Variants in GTF2H1 observed in about 807,000 individuals in gnomAD.
GTF2H1 encodes the protein general transcription factor IIH subunit 1, also known as BTF2 p62.
Under a neutral mutation model 71.2 loss-of-function variants are expected in GTF2H1, and 16 were observed. The ratio of observed to expected loss-of-function variants is 0.22; its 90% confidence interval spans 0.15 to 0.34. The LOEUF (loss-of-function observed/expected upper bound fraction) is 0.34. Ranked by LOEUF, GTF2H1 falls within the 10% of genes least tolerant of loss-of-function variation. GTF2H1 has a pLI of 1.00. For missense variants in GTF2H1, 498 were observed against 648.2 expected (o/e 0.77, Z 2.52); for synonymous variants, 215 against 219.0 (o/e 0.98, Z 0.16).
intron 2 of GTF2H1, among the ~76,000 whole-genome samples, chr11:18,335,360 A>G (rs1865001052): frequency 6.6e-6 from 1 of 152,218 alleles, no homozygotes; most frequent in African/African-American, 2.4e-5. Flanking sequence ...CGCATTTTGC[A>G]GTCTTTTGGA....
At chr11:18,344,822 G>A (rs528692355) in intron 7 of GTF2H1, among the ~76,000 whole-genome samples, 6 of 151,952 alleles carry the variant, frequency 3.9e-5, no homozygotes, top group East Asian at 3.9e-4. Flanking sequence ...TCCATGCCAC[G>A]CTTTTTCTAC....
intron 2 of GTF2H1, chr11:18,333,431 G>A (rs1222542201): frequency 7.7e-6 from 3 of 388,996 alleles, no homozygotes; most frequent in Non-Finnish European, 9.1e-6. Flanking sequence ...CATATAATAT[G>A]TAAATCTACC....
In GTF2H1 at chr11:18,340,281, C is replaced by T. The variant is rs1409938218; in HGVS notation, c.607+624C>T. On this transcript the variant is annotated intron_variant, in intron 5 of 14. Coordinates refer to ENST00000265963, the MANE Select transcript of GTF2H1 (RefSeq NM_005316.4). ...ACTAGCCTGGGCAACAAAACAAGAC[C>T]CTATCTCTTTTTTTTTTTTTAATTG... Among the ~76,000 whole-genome samples, 3 of 151,382 alleles carry T rather than the reference C, an allele frequency of 2.0e-5. No individual in the cohort carries two copies. The East Asian group carries it at 5.8e-4, about 29-fold the overall frequency.
chr11:18,361,422 A>G (rs370982953), intron 14 of GTF2H1, among the ~76,000 whole-genome samples: 2 of 152,126 alleles, frequency 1.3e-5, no homozygotes, highest in African/African-American at 4.8e-5. Context: ...ATCCCAGCAC[A>G]TTGAGAGGCC....
At chr11:18,336,797 C>T (rs1002455309) in intron 3 of GTF2H1, among the ~76,000 whole-genome samples, 4 of 151,320 alleles carry the variant, frequency 2.6e-5, no homozygotes. Flanking sequence ...CTCTGTTGCC[C>T]AGGCTGGAGT....
chr11:18,360,280 G>A (rs1468494534), intron 13 of GTF2H1, among the ~76,000 whole-genome samples: 1 of 151,970 alleles, frequency 6.6e-6, no homozygotes, highest in African/African-American at 2.4e-5. Flanking sequence ...GTGCCACCAC[G>A]CCCAGCTAAT....
Position 18,365,944 on chromosome 11 carries a change from A to C in GTF2H1, c.*75A>C. 1 of 956,504 alleles carries C rather than the reference A, an allele frequency of 1.0e-6. No homozygotes were observed. The highest frequency in any genetic ancestry group is 1.7e-6 in the Non-Finnish European group (1 of 599,630). The allele number at this position is 956,504 out of a possible 1,614,324, so 59.3% of individuals were successfully genotyped here. On this transcript the variant is annotated 3_prime_UTR_variant, in exon 15 of 15. Coordinates refer to ENST00000265963, the MANE Select transcript of GTF2H1 (RefSeq NM_005316.4). Reference sequence around the variant, plus strand: ...GCAGCAACTCTGGAAACCTGGCCTGACAGACAAGCAGATGACCTCACAGGA... The same window carrying C: ...GCAGCAACTCTGGAAACCTGGCCTGCCAGACAAGCAGATGACCTCACAGGA...
chr11:18,334,783 C>T (rs1864985949), intron 2 of GTF2H1, among the ~76,000 whole-genome samples: 1 of 152,072 alleles, frequency 6.6e-6, no homozygotes, highest in Non-Finnish European at 1.5e-5. Context: ...GTAATATGCC[C>T]CACCTAGATA....
chr11:18,360,944 T>G (rs1437562641), intron 14 of GTF2H1, among the ~76,000 whole-genome samples: 1 of 151,968 alleles, frequency 6.6e-6, no homozygotes, highest in African/African-American at 2.4e-5. Flanking sequence ...TAGCTGAGAT[T>G]ACAAGCGCAT....
intron 14 of GTF2H1, 24 bp from the exon 15 acceptor site, chr11:18,365,759 T>G (rs775696021): frequency 6.4e-7 from 1 of 1,554,948 alleles, no homozygotes; most frequent in South Asian, 1.1e-5. Flanking sequence ...GCCCAGTTGT[T>G]AAGTGTCTTG....
chr11:18,345,796 G>GTATTTTTTT (rs75644482), intron 7 of GTF2H1, among the ~76,000 whole-genome samples: 2 of 125,218 alleles, frequency 1.6e-5, no homozygotes, highest in Non-Finnish European at 3.3e-5. Context: ...GCACATATGA[G>GTATTTTTTT]TTTTTTTTTT....
chr11:18,360,154 C>G (rs903452271), intron 13 of GTF2H1, among the ~76,000 whole-genome samples: 10 of 151,158 alleles, frequency 6.6e-5, no homozygotes, highest in African/African-American at 2.4e-4. Flanking sequence ...GATGGAGTCT[C>G]ACTCTGTCGG....
At chr11:18,346,189 A>G (rs1051698415) in intron 7 of GTF2H1, among the ~76,000 whole-genome samples, 1 of 152,170 alleles carries the variant, frequency 6.6e-6, no homozygotes, top group African/African-American at 2.4e-5. Flanking sequence ...ATGACACAAT[A>G]TGTACTACAT....
At chr11:18,330,193 C>A (rs1414929030) in intron 1 of GTF2H1, among the ~76,000 whole-genome samples, 1 of 152,128 alleles carries the variant, frequency 6.6e-6, no homozygotes, top group Non-Finnish European at 1.5e-5. Flanking sequence ...AAACATTTCT[C>A]ATGGCTTTCT....
At chr11:18,353,996 G>T (rs1865484421) in intron 11 of GTF2H1, among the ~76,000 whole-genome samples, 1 of 152,124 alleles carries the variant, frequency 6.6e-6, no homozygotes, top group Non-Finnish European at 1.5e-5. Context: ...GCTTTTCTTG[G>T]TCCAGCAGAC....
chr11:18,326,000 T>G (rs1864755139), intron 1 of GTF2H1: 1 of 152,154 alleles, frequency 6.6e-6, no homozygotes, highest in African/African-American at 2.4e-5. Flanking sequence ...AAGAAAAACC[T>G]GGAAATCACA....
chr11:18,334,189 C>A (rs1013744188), intron 2 of GTF2H1, among the ~76,000 whole-genome samples: 1 of 152,144 alleles, frequency 6.6e-6, no homozygotes, highest in Admixed American at 6.5e-5. Flanking sequence ...ACCATCCTGG[C>A]TAACACAATG....
chr11:18,358,676 GGTAGTGACTTACAA>G (rs1865625464), intron 13 of GTF2H1, 36 bp downstream of exon 13: 1 of 1,254,146 alleles, frequency 8.0e-7, no homozygotes, highest in Non-Finnish European at 1.2e-6. Context: ...AGATAATTGT[GGTAGTGACTTACAA>G]GAAGTTTTGA....
At chr11:18,333,270 A>T (rs1168574951) in intron 2 of GTF2H1, 42 bp downstream of exon 2, 11 of 1,380,508 alleles carry the variant, frequency 8.0e-6, no homozygotes, top group Non-Finnish European at 1.1e-5. Context: ...TGTATGTCAT[A>T]GTTGCTAGTA....
Sources: gnomAD v4.1 joint callset for allele counts (sites outside exome capture counted in the v4.1 genomes callset) on GRCh38, gnomAD v4.1.1 for gene constraint, MANE v1.5 for transcripts, NCBI Gene and HGNC (gene_info 2026-07-23, HGNC 2026-07-21) for gene names.